The following RFX3 variants were observed in gnomAD, a reference collection of about 807,000 sequenced individuals.
RFX3 encodes regulatory factor X3.
A neutral mutation model predicts 98.6 loss-of-function variants in RFX3; 14 were observed. The observed-to-expected ratio is 0.14, with a 90% CI of 0.09 to 0.22. RFX3 has a LOEUF of 0.22. Among genes scored for constraint, RFX3 ranks in the 10% least tolerant of loss-of-function variants. The pLI is 1.00. For synonymous variants in RFX3, 383 were observed against 328.4 expected, an observed-to-expected ratio of 1.17 and a Z score of -1.80; for missense variants, 639 against 926.9, an observed-to-expected ratio of 0.69 and a Z score of 4.03.
At chr9:3,516,881 G>C (rs894425887) in intron 1 of RFX3, among the ~76,000 whole-genome samples, 5 of 152,220 alleles carry the variant, frequency 3.3e-5, no homozygotes, top group African/African-American at 9.7e-5. Context: ...GGCTCCGGCA[G>C]GAGCTCAAGC....
intron 2 of RFX3, among the ~76,000 whole-genome samples, chr9:3,386,332 TA>T: frequency 6.6e-6 from 1 of 152,102 alleles, no homozygotes; most frequent in African/African-American, 2.4e-5. Flanking sequence ...ATAATAATAG[TA>T]AAAAATAATA....
intron 1 of RFX3, among the ~76,000 whole-genome samples, chr9:3,520,964 C>T (rs1818650135): frequency 6.6e-6 from 1 of 152,110 alleles, no homozygotes; most frequent in Non-Finnish European, 1.5e-5. Flanking sequence ...AAATGTGAAC[C>T]AATACAACCA....
intron 4 of RFX3, among the ~76,000 whole-genome samples, chr9:3,319,014 G>C (rs1388327969): frequency 6.6e-6 from 1 of 152,174 alleles, no homozygotes; most frequent in African/African-American, 2.4e-5. Flanking sequence ...AAAGCACTTG[G>C]GAGTTGGAAT....
intron 1 of RFX3, among the ~76,000 whole-genome samples, chr9:3,497,103 G>T (rs1433366056): frequency 6.6e-6 from 1 of 151,976 alleles, no homozygotes; most frequent in Non-Finnish European, 1.5e-5. Flanking sequence ...CTCACAGGCT[G>T]ATCTACAGTG....
In RFX3 at chr9:3,428,971, G is replaced by T. The variant is rs7042511; in HGVS notation, c.-8-33375C>A. On this transcript the variant is annotated intron_variant, in intron 1 of 16. Coordinates refer to ENST00000617270, the MANE Select transcript of RFX3 (RefSeq NM_001282116.2). ...ATAATACTCTCTAATACTCTCTAGG[G>T]CCCCAAAAACGTTTTAATTTCTTTA... Among the ~76,000 whole-genome samples the T allele has an allele frequency of 9.9e-3, 1,498 of 151,204 alleles. 17 individuals are homozygous for T. The highest frequency in any genetic ancestry group is 0.03 in the African/African-American group (1,217 of 41,148).
chr9:3,365,061 G>A (rs1441514269), intron 2 of RFX3, among the ~76,000 whole-genome samples: 4 of 152,130 alleles, frequency 2.6e-5, no homozygotes, highest in South Asian at 4.1e-4. Flanking sequence ...CAGCACTTCG[G>A]GAGGCCGGGA....
chr9:3,376,516 C>G (rs117893262), intron 2 of RFX3, among the ~76,000 whole-genome samples: 1 of 152,142 alleles, frequency 6.6e-6, no homozygotes, highest in East Asian at 1.9e-4. Context: ...GGATGAACTC[C>G]CAAAACATTA....
intron 2 of RFX3, among the ~76,000 whole-genome samples, chr9:3,391,399 G>T (rs1840296250): frequency 6.6e-6 from 1 of 152,206 alleles, no homozygotes; most frequent in South Asian, 2.1e-4. Flanking sequence ...AACATAACAA[G>T]GGTCTCCAGG....
chr9:3,418,338 C>T (rs564683147), intron 1 of RFX3, among the ~76,000 whole-genome samples: 22 of 152,192 alleles, frequency 1.4e-4, no homozygotes, highest in South Asian at 2.1e-4. Flanking sequence ...AAATGGTAAA[C>T]ATTATTACAT....
chr9:3,330,161 C>A, intron 4 of RFX3, 98 bp downstream of exon 4: 1 of 1,241,330 alleles, frequency 8.1e-7, no homozygotes, highest in East Asian at 2.5e-5. Flanking sequence ...CATTCTTGCC[C>A]CAGTCCCATC....
At chr9:3,298,964 T>A (rs2129958732) in intron 5 of RFX3, among the ~76,000 whole-genome samples, 1 of 151,788 alleles carries the variant, frequency 6.6e-6, no homozygotes, top group Non-Finnish European at 1.5e-5. Context: ...ATCAATAATT[T>A]CTCCCAATGT....
In RFX3 at chr9:3,324,530, A is replaced by G. The variant is rs562463992; in HGVS notation, c.474+5729T>C. Among the ~76,000 whole-genome samples the G allele has an allele frequency of 3.3e-5, 5 of 151,948 alleles. No homozygotes were observed. In the South Asian group the frequency reaches 1.0e-3, roughly 32 times the overall value. On this transcript the variant is annotated intron_variant, in intron 4 of 16. Transcript: ENST00000617270. ...TGCTAATATGAAACAAAAAGTCTCC[A>G]AGACATATTGTTAGGTGAAAAAAAG...
At chr9:3,269,582 T>A (rs1824103957) in intron 11 of RFX3, among the ~76,000 whole-genome samples, 1 of 152,194 alleles carries the variant, frequency 6.6e-6, no homozygotes, top group Non-Finnish European at 1.5e-5. Flanking sequence ...TCTAACAGTA[T>A]CTGTGGTAGC....
chr9:3,313,505 C>G (rs1830209739), intron 4 of RFX3, among the ~76,000 whole-genome samples: 1 of 152,196 alleles, frequency 6.6e-6, no homozygotes, highest in South Asian at 2.1e-4. Flanking sequence ...CGGAACAAAG[C>G]TGGATGGAGA....
intron 1 of RFX3, among the ~76,000 whole-genome samples, chr9:3,444,907 T>C (rs764419177): frequency 8.5e-5 from 13 of 152,192 alleles, no homozygotes; most frequent in Non-Finnish European, 1.6e-4. Flanking sequence ...GAAACTCAAA[T>C]GATCACTTTG....
At chr9:3,520,771 G>C (rs1401979543) in intron 1 of RFX3, among the ~76,000 whole-genome samples, 1 of 152,134 alleles carries the variant, frequency 6.6e-6, no homozygotes, top group Non-Finnish European at 1.5e-5. Context: ...AAACTCCTGG[G>C]CTAAAAAATT....
At chr9:3,336,717 T>A (rs142763232) in intron 3 of RFX3, among the ~76,000 whole-genome samples, 2,014 of 152,258 alleles carry the variant, frequency 0.013, 12 homozygotes, top group Non-Finnish European at 0.02. Context: ...TAAACATGCA[T>A]GCAGTGTAAA....
At chr9:3,308,503 A>T (rs1440116727) in intron 4 of RFX3, among the ~76,000 whole-genome samples, 3 of 152,216 alleles carry the variant, frequency 2.0e-5, no homozygotes, top group Admixed American at 1.3e-4. Context: ...ATGTGGTCTC[A>T]AAGCCTGGCA....
intron 1 of RFX3, among the ~76,000 whole-genome samples, chr9:3,431,548 C>G (rs1844657798): frequency 6.6e-6 from 1 of 152,126 alleles, no homozygotes; most frequent in Non-Finnish European, 1.5e-5. Context: ...TTACCCTTTT[C>G]TGTCATATTG....
Sources: gnomAD v4.1 joint callset for allele counts (sites outside exome capture counted in the v4.1 genomes callset) on GRCh38, gnomAD v4.1.1 for gene constraint, MANE v1.5 for transcripts, NCBI Gene and HGNC (gene_info 2026-07-23, HGNC 2026-07-21) for gene names.